Variants in MACROD2 observed in about 807,000 individuals in gnomAD.
MACROD2 encodes the protein ADP-ribose glycohydrolase MACROD2.
In MACROD2, 36 loss-of-function variants were observed where a neutral mutation model predicts 70.4. The ratio of observed to expected loss-of-function variants is 0.51; its 90% confidence interval spans 0.39 to 0.68. MACROD2 has a LOEUF of 0.68. Among genes scored for constraint, MACROD2 ranks in the 30% least tolerant of loss-of-function variants. The probability of loss-of-function intolerance (pLI) is 0.00; values close to 1 mark genes in which losing one functional copy is unlikely to be tolerated. For synonymous variants in MACROD2, 172 were observed against 178.8 expected (o/e 0.96, Z 0.30); for missense variants, 496 against 538.4 (o/e 0.92, Z 0.78).
intron 8 of MACROD2, among the ~76,000 whole-genome samples, chr20:15,602,219 G>A (rs894988827): frequency 2.0e-5 from 3 of 152,242 alleles, no homozygotes; most frequent in Non-Finnish European, 2.9e-5. Flanking sequence ...AAGAAAGCCC[G>A]AGGTTGTATC....
At position 14,076,077 on chromosome 20, in the gene MACROD2, G is replaced by C. The variant is rs531002579; in HGVS notation, c.164-9544G>C. On this transcript the variant is annotated intron_variant, in intron 2 of 17. Coordinates refer to ENST00000684519, the MANE Select transcript of MACROD2 (RefSeq NM_001351661.2). Reference sequence around the variant, plus strand: ...AATTTTGACAAAAATGTAGACCAAAGATAAAACTATATTACTTTGTTTACT... The same window carrying C: ...AATTTTGACAAAAATGTAGACCAAACATAAAACTATATTACTTTGTTTACT... 5.6e-4 allele frequency among the ~76,000 whole-genome samples: 85 copies of C among 152,238 alleles called. 1 individual carries two copies. The highest frequency in any genetic ancestry group is 2.3e-3 in the East Asian group (12 of 5,192).
intron 3 of MACROD2, among the ~76,000 whole-genome samples, chr20:14,119,855 A>G (rs1032109847): frequency 6.6e-5 from 10 of 152,262 alleles, no homozygotes; most frequent in African/African-American, 2.4e-4. Flanking sequence ...ACTTAAATTT[A>G]TAAGAAAAAA....
chr20:14,681,100 G>T (rs1413312014), intron 4 of MACROD2, among the ~76,000 whole-genome samples: 1 of 152,088 alleles, frequency 6.6e-6, no homozygotes, highest in African/African-American at 2.4e-5. Context: ...ATAGTCATTA[G>T]AATTACCAAC....
intron 6 of MACROD2, among the ~76,000 whole-genome samples, chr20:15,385,495 C>A (rs562981525): frequency 6.6e-5 from 10 of 152,258 alleles, no homozygotes; most frequent in African/African-American, 2.4e-4. Context: ...TTTGAGCAAA[C>A]CATGGGGACA....
At chr20:14,020,356 C>A (rs969172665) in intron 2 of MACROD2, among the ~76,000 whole-genome samples, 3 of 152,100 alleles carry the variant, frequency 2.0e-5, no homozygotes, top group African/African-American at 7.2e-5. Flanking sequence ...GCCTGTAATC[C>A]CAGCTACTCG....
intron 8 of MACROD2, among the ~76,000 whole-genome samples, chr20:15,799,466 C>A (rs764798764): frequency 1.3e-5 from 2 of 152,172 alleles, no homozygotes; most frequent in Non-Finnish European, 1.5e-5. Flanking sequence ...CACTTTCCAG[C>A]CTCTGGGAAC....
chr20:14,926,658 G>A (rs747797770), intron 5 of MACROD2, among the ~76,000 whole-genome samples: 1 of 152,122 alleles, frequency 6.6e-6, no homozygotes, highest in African/African-American at 2.4e-5. Flanking sequence ...GTGGGAATGA[G>A]AGTGGAGTGT....
intron 5 of MACROD2, among the ~76,000 whole-genome samples, chr20:14,852,735 G>A (rs1196338426): frequency 1.3e-5 from 2 of 152,290 alleles, no homozygotes; most frequent in East Asian, 3.9e-4. Context: ...TACTTGTCCA[G>A]TTGGAAGCAA....
At chr20:14,231,886 G>C (rs2081816800) in intron 3 of MACROD2, among the ~76,000 whole-genome samples, 1 of 152,116 alleles carries the variant, frequency 6.6e-6, no homozygotes, top group African/African-American at 2.4e-5. Flanking sequence ...TTCTCTGATG[G>C]CCAGTGATGA....
intron 3 of MACROD2, among the ~76,000 whole-genome samples, chr20:14,158,577 T>C (rs755192721): frequency 3.8e-4 from 58 of 152,134 alleles, no homozygotes; most frequent in Non-Finnish European, 6.6e-4. Flanking sequence ...GAGTTGATTT[T>C]TGTATATGTA....
chr20:14,441,524 A>G (rs1434331283), intron 3 of MACROD2, among the ~76,000 whole-genome samples: 1 of 152,224 alleles, frequency 6.6e-6, no homozygotes, highest in Non-Finnish European at 1.5e-5. Context: ...CTCGGTCTAG[A>G]AGTCATCTGT....
chr20:15,798,413 C>G (rs1156886816), intron 8 of MACROD2, among the ~76,000 whole-genome samples: 1 of 152,138 alleles, frequency 6.6e-6, no homozygotes, highest in Non-Finnish European at 1.5e-5. Flanking sequence ...CTCTTTGGGA[C>G]TGAGATTCTC....
intron 8 of MACROD2, among the ~76,000 whole-genome samples, chr20:15,511,361 T>C (rs2047496929): frequency 6.6e-6 from 1 of 152,222 alleles, no homozygotes; most frequent in Admixed American, 6.5e-5. Context: ...ATTGATGTGA[T>C]GCTAAGATGT....
At chr20:14,435,357 G>A (rs2084044575) in intron 3 of MACROD2, among the ~76,000 whole-genome samples, 1 of 152,108 alleles carries the variant, frequency 6.6e-6, no homozygotes, top group Non-Finnish European at 1.5e-5. Flanking sequence ...AACTACATCT[G>A]CAAAGACCCT....
intron 3 of MACROD2, among the ~76,000 whole-genome samples, chr20:14,220,744 C>T (rs536840744): frequency 5.7e-4 from 87 of 152,270 alleles, no homozygotes; most frequent in African/African-American, 2.1e-3. Context: ...TCCAGATTGA[C>T]TCAGCTCCAG....
intron 8 of MACROD2, among the ~76,000 whole-genome samples, chr20:15,626,966 T>A: frequency 6.7e-6 from 1 of 150,282 alleles, no homozygotes; most frequent in African/African-American, 2.5e-5. Flanking sequence ...TGAGAGAGAG[T>A]CATGAAAGAG....
At chr20:14,546,239 CT>C (rs1052962820) in intron 4 of MACROD2, among the ~76,000 whole-genome samples, 5 of 151,348 alleles carry the variant, frequency 3.3e-5, no homozygotes, top group South Asian at 2.1e-4. Flanking sequence ...ATTGCTAGAA[CT>C]TTTTTTTTGT....
intron 6 of MACROD2, among the ~76,000 whole-genome samples, chr20:15,431,086 A>G (rs1050392881): frequency 6.6e-6 from 1 of 152,034 alleles, no homozygotes; most frequent in African/African-American, 2.4e-5. Flanking sequence ...AGTTCTGACT[A>G]TTGGTTATCT....
chr20:15,821,996 C>T (rs149304685), intron 8 of MACROD2, among the ~76,000 whole-genome samples: 137 of 152,182 alleles, frequency 9.0e-4, no homozygotes, highest in African/African-American at 3.2e-3. Context: ...AATCTAGAGC[C>T]CTGGAAAGTA....
Sources: allele counts gnomAD v4.1 joint callset (sites outside exome capture counted in the v4.1 genomes callset), GRCh38; gene constraint gnomAD v4.1.1; transcripts MANE v1.5; gene names NCBI Gene and HGNC (gene_info 2026-07-23, HGNC 2026-07-21).